Variants in HMCN1 observed in about 807,000 individuals in gnomAD.
The protein encoded by HMCN1 is hemicentin-1.
A neutral mutation model predicts 625.9 loss-of-function variants in HMCN1; 321 were observed. The ratio of observed to expected loss-of-function variants is 0.51; its 90% confidence interval spans 0.47 to 0.56. The LOEUF (loss-of-function observed/expected upper bound fraction) is 0.56, where lower values mean the gene tolerates loss of function less well. Ranked by LOEUF, HMCN1 falls within the 20% of genes least tolerant of loss-of-function variation. The pLI is 0.00. For missense variants in HMCN1, 6,588 were observed against 6,887.3 expected, an observed-to-expected ratio of 0.96 and a Z score of 1.54; for synonymous variants, 2,425 against 2,417.6, an observed-to-expected ratio of 1.00 and a Z score of -0.09.
At chr1:186,149,723 TAA>T (rs1288823882) in intron 93 of HMCN1, among the ~76,000 whole-genome samples, 1 of 152,180 alleles carries the variant, frequency 6.6e-6, no homozygotes, top group Non-Finnish European at 1.5e-5. Context: ...GCTTTTGATT[TAA>T]AGTGAGAGAC....
chr1:185,916,678 C>A (rs972945771), intron 6 of HMCN1, among the ~76,000 whole-genome samples: 6 of 152,128 alleles, frequency 3.9e-5, no homozygotes, highest in Non-Finnish European at 8.8e-5. Flanking sequence ...GAGAGAAAAA[C>A]CATCTCTATC....
chr1:186,069,846 A>G lies in HMCN1; in HGVS notation c.7993+70A>G, dbSNP rs1290488628. ...TCTAACTTTTTCAATCCTGTTTTTC[A>G]TTATGGGTTCATAATTATTTATACT... On this transcript the variant is annotated intron_variant, in intron 51 of 106. Transcript: ENST00000271588. 8 of 931,546 alleles carry G rather than the reference A, an allele frequency of 8.6e-6. No individual in the cohort carries two copies. The East Asian group carries it at 2.0e-4, about 23-fold the overall frequency. The allele number at this position is 931,546 out of a possible 1,614,324, so 57.7% of individuals were successfully genotyped here.
intron 48 of HMCN1, among the ~76,000 whole-genome samples, chr1:186,064,680 A>G (rs1438031990): frequency 3.3e-5 from 5 of 151,678 alleles, no homozygotes; most frequent in Admixed American, 2.6e-4. Context: ...TGTGGTAGCA[A>G]GCACCTGTAG....
chr1:186,189,781 G>T lies in HMCN1; in HGVS notation c.16811G>T (p.Arg5604Leu), dbSNP rs372803002. ...TRPLREAETY[R>L]MRVRASSYSA... ...CCACTACGAGAAGCAGAGACCTACC[G>T]CATGAGGGTCCGAGCCTCATCCTAC... The change falls in exon 107 of 107, where the codon CGC becomes CTC. Residue 5604 changes from arginine to leucine, a missense_variant. Coordinates refer to ENST00000271588, the MANE Select transcript of HMCN1 (RefSeq NM_031935.3). The T allele has an allele frequency of 1.3e-4, 202 of 1,613,472 alleles. No homozygotes were observed. The highest frequency in any genetic ancestry group is 1.5e-4 in the Non-Finnish European group (181 of 1,179,842).
At chr1:186,008,496 T>C (rs1009476954) in intron 30 of HMCN1, among the ~76,000 whole-genome samples, 1 of 152,182 alleles carries the variant, frequency 6.6e-6, no homozygotes, top group Non-Finnish European at 1.5e-5. Context: ...TATTTTTTAA[T>C]GTGGCTACCA....
At chr1:186,158,232 A>T (rs1431521189) in intron 97 of HMCN1, among the ~76,000 whole-genome samples, 1 of 150,838 alleles carries the variant, frequency 6.6e-6, no homozygotes, top group East Asian at 1.9e-4. Flanking sequence ...GGCTGCATAA[A>T]TGTCTTCTTT....
intron 36 of HMCN1, among the ~76,000 whole-genome samples, chr1:186,023,394 A>G (rs565322427): frequency 6.6e-6 from 1 of 151,648 alleles, no homozygotes; most frequent in African/African-American, 2.4e-5. Flanking sequence ...TAAATACACC[A>G]TGTGTTTTAA....
chr1:186,125,128 A>T (rs6702313), intron 81 of HMCN1, among the ~76,000 whole-genome samples: 10 of 151,492 alleles, frequency 6.6e-5, no homozygotes, highest in African/African-American at 1.9e-4. Context: ...TGCAATAAGT[A>T]TTTTTTTTTC....
chr1:185,911,619 A>C, intron 5 of HMCN1, 55 bp from the exon 6 acceptor site: 1 of 1,207,932 alleles, frequency 8.3e-7, no homozygotes, highest in Admixed American at 1.7e-5. Context: ...AAATTAGCTA[A>C]TATACATAGC....
At chr1:186,097,552 G>A (rs1660191800) in intron 68 of HMCN1, among the ~76,000 whole-genome samples, 1 of 151,756 alleles carries the variant, frequency 6.6e-6, no homozygotes, top group African/African-American at 2.4e-5. Flanking sequence ...TGAAAGAAAT[G>A]GAAAGGAAAC....
At chr1:186,046,223 T>C (rs10158272) in intron 41 of HMCN1, among the ~76,000 whole-genome samples, 100,329 of 152,044 alleles carry the variant, frequency 0.66, 35,057 homozygotes, top group African/African-American at 0.91. Context: ...GATCCCAAAA[T>C]TTTGGGAGGC....
At chr1:185,857,885 A>T (rs1662570241) in intron 2 of HMCN1, among the ~76,000 whole-genome samples, 1 of 152,234 alleles carries the variant, frequency 6.6e-6, no homozygotes, top group Non-Finnish European at 1.5e-5. Context: ...TGAATACCAC[A>T]AAAGAAGAAT....
chr1:185,850,273 C>T (rs1292974941), intron 2 of HMCN1, among the ~76,000 whole-genome samples: 5 of 152,048 alleles, frequency 3.3e-5, no homozygotes, highest in Admixed American at 3.3e-4. Context: ...ACAGAAAATA[C>T]CCGAAAAACC....
chr1:185,942,474 T>C (rs1558081811), intron 11 of HMCN1, among the ~76,000 whole-genome samples: 1 of 152,178 alleles, frequency 6.6e-6, no homozygotes, highest in South Asian at 2.1e-4. Flanking sequence ...AGAGGTCTAA[T>C]AGGCAGTTAG....
chr1:185,870,893 A>G (rs996061196), intron 4 of HMCN1, among the ~76,000 whole-genome samples: 4 of 152,072 alleles, frequency 2.6e-5, no homozygotes, highest in Admixed American at 1.3e-4. Flanking sequence ...CATTTTCCCA[A>G]ATCCAACTGG....
At chr1:186,059,189 G>C (rs900508031) in intron 46 of HMCN1, among the ~76,000 whole-genome samples, 3 of 151,978 alleles carry the variant, frequency 2.0e-5, no homozygotes, top group African/African-American at 7.2e-5. Flanking sequence ...TTACTATGAT[G>C]TTTTCACTTT....
intron 1 of HMCN1, among the ~76,000 whole-genome samples, chr1:185,826,280 C>G (rs1006088188): frequency 1.3e-5 from 2 of 152,138 alleles, no homozygotes; most frequent in Admixed American, 1.3e-4. Context: ...AGTTTAAAGT[C>G]ACATTATCAC....
chr1:185,918,395 C>T (rs182402999), intron 6 of HMCN1, among the ~76,000 whole-genome samples: 374 of 152,306 alleles, frequency 2.5e-3, no homozygotes, highest in Middle Eastern at 6.8e-3. Flanking sequence ...CTTATCCCAC[C>T]TTCTTCCACC....
intron 69 of HMCN1, among the ~76,000 whole-genome samples, chr1:186,105,505 C>T (rs1660567310): frequency 6.6e-6 from 1 of 152,178 alleles, no homozygotes. Flanking sequence ...CATCTTTTAT[C>T]AAACACTAGT....
Sources: gnomAD v4.1 joint callset for allele counts (sites outside exome capture counted in the v4.1 genomes callset) on GRCh38, gnomAD v4.1.1 for gene constraint, MANE v1.5 for transcripts, NCBI Gene and HGNC (gene_info 2026-07-23, HGNC 2026-07-21) for gene names.